TRPM8: variants seen among roughly 807,000 people sequenced by gnomAD.
TRPM8 encodes transient receptor potential cation channel subfamily M member 8.
TRPM8 carries 110 observed loss-of-function variants against 133.7 expected under a neutral mutation model. The observed-to-expected ratio is 0.82, with a 90% CI of 0.70 to 0.96. TRPM8 has a LOEUF of 0.96. TRPM8 is among the 40% of genes least tolerant of loss of function. The pLI is 0.00. For synonymous variants in TRPM8, 535 were observed against 532.3 expected (o/e 1.01, Z -0.07); for missense variants, 1,291 against 1,379.5 (o/e 0.94, Z 1.02).
At position 233,985,858 on chromosome 2, in the gene TRPM8, A is replaced by G. The variant is rs1450467773; in HGVS notation, c.2932A>G (p.Met978Val). 6.2e-7 allele frequency: 1 copy of G among 1,611,376 alleles called. No individual in the cohort carries two copies. Among genetic ancestry groups the G allele is most frequent in the East Asian group, 2.2e-5 (1 of 44,842 alleles). The stretch of plus-strand genomic sequence containing the variant: ...CCTGCTGGTCAACCTGCTGGTCGCC[A>G]TGTTTGGGTATGTGTTCAGTCACAT... ...NILLVNLLVA[M>V]FGYTVGTVQE... Residue 978 changes from methionine (M) to valine (V), a missense_variant, in exon 21 of 26, where the codon ATG becomes GTG. Transcript: ENST00000324695.
intron 10 of TRPM8, among the ~76,000 whole-genome samples, chr2:233,954,241 A>G (rs1354487406): frequency 1.3e-5 from 2 of 152,226 alleles, no homozygotes; most frequent in Admixed American, 6.5e-5. Flanking sequence ...TCATTAAAAT[A>G]CTGGTCAAAC....
chr2:233,927,892 TTCTTTCTTTCTTTCTTTC>T (rs1691587836), intron 2 of TRPM8, among the ~76,000 whole-genome samples: 1 of 74,976 alleles, frequency 1.3e-5, no homozygotes, highest in African/African-American at 9.7e-5. Flanking sequence ...CTTTCTTTCT[TTCTTTCTTTCTTTCTTTC>T]TCTCTCTCTC....
At chr2:233,985,365 G>A (rs903203644) in intron 20 of TRPM8, among the ~76,000 whole-genome samples, 7 of 152,204 alleles carry the variant, frequency 4.6e-5, no homozygotes, top group Non-Finnish European at 1.0e-4. Context: ...ACTTTACATG[G>A]ACTGAGACTT....
chr2:233,992,542 G>A (rs1391534020), intron 21 of TRPM8, among the ~76,000 whole-genome samples: 1 of 152,134 alleles, frequency 6.6e-6, no homozygotes, highest in Non-Finnish European at 1.5e-5. Context: ...CTCTCAGTGA[G>A]TTTCTGAACT....
At chr2:233,970,098 G>A (rs764047734) in intron 16 of TRPM8, 112 bp from the exon 17 acceptor site, 289 of 1,032,998 alleles carry the variant, frequency 2.8e-4, no homozygotes, top group Non-Finnish European at 3.2e-4. Flanking sequence ...TTTTGCTCCC[G>A]TCTCTTCCTC....
At chr2:234,004,418 G>A (rs1001964109) in intron 22 of TRPM8, among the ~76,000 whole-genome samples, 2 of 152,206 alleles carry the variant, frequency 1.3e-5, no homozygotes, top group Admixed American at 6.5e-5. Flanking sequence ...GCCTGAAACC[G>A]CAGCACTTGG....
intron 14 of TRPM8, 73 bp from the exon 15 acceptor site, chr2:233,966,537 G>T: frequency 6.3e-7 from 1 of 1,590,080 alleles, no homozygotes; most frequent in Non-Finnish European, 8.6e-7. Flanking sequence ...GGGTTGGCTG[G>T]GGGTGGAAGC....
At chr2:233,930,511 G>T (rs536127961) in intron 2 of TRPM8, among the ~76,000 whole-genome samples, 157 bp from the exon 3 acceptor site, 53 of 152,186 alleles carry the variant, frequency 3.5e-4, no homozygotes, top group African/African-American at 1.3e-3. Flanking sequence ...AAAAAATTTT[G>T]TATACTCTAA....
intron 22 of TRPM8, among the ~76,000 whole-genome samples, chr2:234,002,915 C>T (rs911824634): frequency 3.3e-5 from 5 of 152,036 alleles, no homozygotes; most frequent in Admixed American, 1.3e-4. Flanking sequence ...TGACTGCCAC[C>T]ACTGGATTCA....
At chr2:233,956,947 C>T (rs947842395) in intron 11 of TRPM8, among the ~76,000 whole-genome samples, 5 of 152,086 alleles carry the variant, frequency 3.3e-5, no homozygotes, top group African/African-American at 7.2e-5. Flanking sequence ...TTAGGCACAT[C>T]GTGAATGGTA....
At position 233,983,068 on chromosome 2, in the gene TRPM8, T is replaced by C. The variant is rs1427776191; in HGVS notation, c.2605T>C (p.Phe869Leu). 6.2e-7 allele frequency: 1 copy of C among 1,613,548 alleles called. No homozygotes were observed. The highest frequency in any genetic ancestry group is 8.5e-7 in the Non-Finnish European group (1 of 1,179,562). Residue 869 changes from phenylalanine to leucine, a missense_variant, in exon 20 of 26, where the codon TTC becomes CTC. Phe to Leu is a conservative substitution (Grantham distance 22). Coordinates refer to ENST00000324695, the MANE Select transcript of TRPM8 (RefSeq NM_024080.5). Reference sequence around the variant, plus strand: ...CCCCTGACAGCTGATCGATGTGTTCTTCTTCCTGTTCCTCTTTGCGGTGTG... The same window carrying C: ...CCCCTGACAGCTGATCGATGTGTTCCTCTTCCTGTTCCTCTTTGCGGTGTG... ...MLQRMLIDVFFFLFLFAVWMV... is the reference protein window; with the variant it reads ...MLQRMLIDVFLFLFLFAVWMV...
intron 17 of TRPM8, among the ~76,000 whole-genome samples, chr2:233,975,865 G>C (rs914393219): frequency 2.0e-5 from 3 of 151,596 alleles, no homozygotes; most frequent in African/African-American, 7.3e-5. Context: ...CTGGGTGACA[G>C]AGTGAGACTC....
At chr2:233,973,638 C>T (rs1335985815) in intron 17 of TRPM8, among the ~76,000 whole-genome samples, 2 of 152,196 alleles carry the variant, frequency 1.3e-5, no homozygotes, top group East Asian at 3.8e-4. Flanking sequence ...CTAGGACTTC[C>T]ATGTTTGAAT....
At position 233,930,640 on chromosome 2, in the gene TRPM8, T is replaced by C. The variant is rs768576282; in HGVS notation, c.118-28T>C. ...GCAAGGGGTGAGAATAAATTAGTAATGTGTTATTCAATGTTCTCTCTCCAA... is the reference window on the plus strand; with the variant it reads ...GCAAGGGGTGAGAATAAATTAGTAACGTGTTATTCAATGTTCTCTCTCCAA... On this transcript the variant is annotated intron_variant, in intron 2 of 25. Coordinates refer to ENST00000324695, the MANE Select transcript of TRPM8 (RefSeq NM_024080.5). 6.1e-6 allele frequency: 9 copies of C among 1,469,594 alleles called. No homozygotes were observed. In the East Asian group the frequency reaches 1.6e-4, roughly 26 times the overall value. 91.0% of individuals were successfully genotyped at this position (1,469,594 alleles called of 1,614,324 possible).
At chr2:233,938,676 T>G (rs1690824367) in intron 4 of TRPM8, among the ~76,000 whole-genome samples, 1 of 151,298 alleles carries the variant, frequency 6.6e-6, no homozygotes. Context: ...GATTAGCCTT[T>G]CCAAAGGAGG....
At chr2:234,009,261 G>T (rs1386329099) in intron 24 of TRPM8, among the ~76,000 whole-genome samples, 1 of 152,208 alleles carries the variant, frequency 6.6e-6, no homozygotes, top group East Asian at 1.9e-4. Context: ...CTTCTACGTG[G>T]TGTGTTTGTA....
intron 6 of TRPM8, among the ~76,000 whole-genome samples, chr2:233,944,740 A>G (rs1691001087): frequency 6.6e-6 from 1 of 152,246 alleles, no homozygotes; most frequent in Admixed American, 6.5e-5. Flanking sequence ...GCATAGCCAT[A>G]TACCTTTATT....
At position 233,942,689 on chromosome 2, in the gene TRPM8, A is replaced by G. The variant is rs1053647124; in HGVS notation, c.640A>G (p.Ile214Val). Reference protein sequence around the residue: ...SSEENIVAIGIAAWGMVSNRD... With the variant: ...SSEENIVAIGVAAWGMVSNRD... The stretch of plus-strand genomic sequence containing the variant: ...AGAGGAGAATATTGTGGCCATTGGC[A>G]TAGCAGCTTGGGGCATGGTCTCCAA... Residue 214 changes from isoleucine to valine, a missense_variant, in exon 6 of 26, where the codon ATA (isoleucine) becomes GTA (valine). Physicochemically the swap from Ile to Val is conservative, Grantham distance 29. Around this residue, in one of 2 missense-constraint regions of TRPM8, gnomAD observed 963 missense variants for 968.9 expected, o/e 0.99. Coordinates refer to ENST00000324695, the MANE Select transcript of TRPM8 (RefSeq NM_024080.5). The G allele has an allele frequency of 4.3e-6, 7 of 1,614,228 alleles. No homozygotes were observed. The South Asian group carries it at 7.7e-5, about 18-fold the overall frequency.
At chr2:233,988,688 A>G (rs1224678383) in intron 21 of TRPM8, among the ~76,000 whole-genome samples, 1 of 152,104 alleles carries the variant, frequency 6.6e-6, no homozygotes, top group Non-Finnish European at 1.5e-5. Flanking sequence ...ACATGGCCCT[A>G]AGAAGGGAAG....
Sources: gnomAD v4.1 joint callset for allele counts (sites outside exome capture counted in the v4.1 genomes callset) on GRCh38, gnomAD v4.1.1 for gene constraint, gnomAD v4.1.1 regional missense constraint, MANE v1.5 for transcripts, NCBI Gene and HGNC (gene_info 2026-07-23, HGNC 2026-07-21) for gene names.